Variants in ACTR3C observed in about 807,000 individuals in gnomAD.
ACTR3C encodes the protein actin-related protein 3C.
In ACTR3C, 18 loss-of-function variants were observed where a neutral mutation model predicts 26.3. The observed-to-expected ratio is 0.68, with a 90% CI of 0.47 to 1.01. ACTR3C has a LOEUF of 1.01. Ranked by LOEUF, ACTR3C falls within the 50% of genes least tolerant of loss-of-function variation. The pLI is 0.00. For synonymous variants in ACTR3C, 55 were observed against 94.5 expected, an observed-to-expected ratio of 0.58 and a Z score of 2.42; for missense variants, 184 against 250.7, an observed-to-expected ratio of 0.73 and a Z score of 1.80.
chr7:149,945,912 G>A, the ACTR3C span, among the ~76,000 whole-genome samples: 14 of 152,272 alleles, frequency 9.2e-5, no homozygotes, highest in South Asian at 2.1e-4. Flanking sequence ...ACGGAGTCCC[G>A]GCAGGAAGCA....
chr7:150,180,528 T>C, the ACTR3C span, among the ~76,000 whole-genome samples: 23 of 145,408 alleles, frequency 1.6e-4, no homozygotes, highest in African/African-American at 5.7e-4. Context: ...TTTTTTTTTT[T>C]CTGAGAGGGA....
intron 1 of ACTR3C, among the ~76,000 whole-genome samples, chr7:150,298,977 T>A (rs1182095034): frequency 1.3e-4 from 15 of 119,322 alleles, no homozygotes; most frequent in Non-Finnish European, 2.4e-4. Flanking sequence ...ATGAAAACTT[T>A]TTTTTTTTTT....
the ACTR3C span, among the ~76,000 whole-genome samples, chr7:149,955,338 G>GCTGATTAA: frequency 6.6e-6 from 1 of 152,212 alleles, no homozygotes; most frequent in African/African-American, 2.4e-5. Flanking sequence ...GCATCGACTG[G>GCTGATTAA]CTGATTAACT....
the ACTR3C span, among the ~76,000 whole-genome samples, chr7:149,957,068 A>C: frequency 6.6e-6 from 1 of 152,258 alleles, no homozygotes; most frequent in Admixed American, 6.5e-5. Context: ...AAAGAAATGC[A>C]AAAGAGACTT....
At chr7:149,985,007 C>T in the ACTR3C span, among the ~76,000 whole-genome samples, 1 of 152,026 alleles carries the variant, frequency 6.6e-6, no homozygotes, top group African/African-American at 2.4e-5. Flanking sequence ...AATGTGGTAA[C>T]ATTACCACTA....
the ACTR3C span, among the ~76,000 whole-genome samples, chr7:150,035,214 C>T: frequency 2.4e-5 from 3 of 122,794 alleles, no homozygotes; most frequent in Non-Finnish European, 5.2e-5. Context: ...GGGGTGCCTC[C>T]CACCTCTGCC....
the ACTR3C span, among the ~76,000 whole-genome samples, chr7:150,139,152 A>G: frequency 6.6e-6 from 1 of 152,246 alleles, no homozygotes; most frequent in Non-Finnish European, 1.5e-5. Context: ...TCCCCGGTCC[A>G]TGGAAAAATT....
the ACTR3C span, among the ~76,000 whole-genome samples, chr7:150,015,907 T>C: frequency 6.6e-5 from 10 of 152,218 alleles, no homozygotes; most frequent in Non-Finnish European, 2.9e-5. Context: ...TAATAGCACA[T>C]CTACTCTCAA....
At chr7:150,093,071 A>G in the ACTR3C span, among the ~76,000 whole-genome samples, 1 of 151,356 alleles carries the variant, frequency 6.6e-6, no homozygotes, top group Non-Finnish European at 1.5e-5. Context: ...CCTCAAACAA[A>G]TTTTCACTCT....
At chr7:150,020,054 A>G in the ACTR3C span, among the ~76,000 whole-genome samples, 1 of 152,088 alleles carries the variant, frequency 6.6e-6, no homozygotes, top group Non-Finnish European at 1.5e-5. Flanking sequence ...AACCCATCCA[A>G]CTACAAAGTT....
At chr7:150,310,163 G>T (rs1796181020) in intron 1 of ACTR3C, among the ~76,000 whole-genome samples, 1 of 152,118 alleles carries the variant, frequency 6.6e-6, no homozygotes, top group Admixed American at 6.5e-5. Flanking sequence ...CTGGGCTACA[G>T]CCACACCTCA....
At chr7:150,292,728 C>T (rs532181251) in intron 3 of ACTR3C, among the ~76,000 whole-genome samples, 5 of 152,326 alleles carry the variant, frequency 3.3e-5, no homozygotes, top group Admixed American at 2.6e-4. Context: ...AATTCCCGAC[C>T]TCAGGTGATC....
At chr7:150,106,514 A>T in the ACTR3C span, among the ~76,000 whole-genome samples, 1 of 149,008 alleles carries the variant, frequency 6.7e-6, no homozygotes, top group Non-Finnish European at 1.5e-5. Flanking sequence ...GGCAGATGGT[A>T]TGGTGAAATA....
the ACTR3C span, among the ~76,000 whole-genome samples, chr7:150,202,378 T>G: frequency 1.3e-5 from 2 of 152,246 alleles, no homozygotes; most frequent in Non-Finnish European, 2.9e-5. Flanking sequence ...CTTTTTTTAC[T>G]GTTACTATTT....
chr7:149,929,003 G>A, the ACTR3C span, among the ~76,000 whole-genome samples: 1 of 152,116 alleles, frequency 6.6e-6, no homozygotes, highest in Non-Finnish European at 1.5e-5. Flanking sequence ...AACTCCTACA[G>A]ACAATAAACA....
the ACTR3C span, among the ~76,000 whole-genome samples, chr7:150,180,720 C>G: frequency 6.7e-6 from 1 of 149,174 alleles, no homozygotes; most frequent in Non-Finnish European, 1.5e-5. Flanking sequence ...ACGTGTTAGC[C>G]AGGATGGTCT....
chr7:149,941,924 C>A, the ACTR3C span, among the ~76,000 whole-genome samples: 2 of 152,132 alleles, frequency 1.3e-5, no homozygotes, highest in Non-Finnish European at 1.5e-5. Context: ...CAGCCCAGGG[C>A]TGCCCAGCCC....
intron 6 of ACTR3C, among the ~76,000 whole-genome samples, chr7:150,277,152 A>G (rs1001699146): frequency 3.9e-5 from 6 of 152,186 alleles, no homozygotes; most frequent in Non-Finnish European, 7.3e-5. Context: ...TGGACTTGCC[A>G]GCCTGAAAGC....
chr7:150,015,957 C>A, the ACTR3C span, among the ~76,000 whole-genome samples: 1 of 152,022 alleles, frequency 6.6e-6, no homozygotes, highest in Non-Finnish European at 1.5e-5. Context: ...TTTTCCATGG[C>A]ACAGTGAATC....
Sources: allele counts gnomAD v4.1 joint callset (sites outside exome capture counted in the v4.1 genomes callset), GRCh38; gene constraint gnomAD v4.1.1; transcripts MANE v1.5; gene names NCBI Gene and HGNC (gene_info 2026-07-23, HGNC 2026-07-21).